Variants in PI4KA observed in about 807,000 individuals in gnomAD.
PI4KA encodes phosphatidylinositol 4-kinase alpha, also known as PI4-kinase alpha.
In PI4KA, 122 loss-of-function variants were observed where a neutral mutation model predicts 271.4. That is an observed-to-expected ratio of 0.45 (90% confidence interval 0.39 to 0.52). PI4KA has a LOEUF of 0.52. PI4KA is among the 20% of genes least tolerant of loss of function. The pLI is 0.00. For missense variants in PI4KA, 1,969 were observed against 2,769.1 expected (o/e 0.71, Z 6.48); for synonymous variants, 1,041 against 1,078.8 (o/e 0.96, Z 0.69).
At chr22:20,823,370 C>T (rs1922962252) in intron 4 of PI4KA, among the ~76,000 whole-genome samples, 1 of 152,090 alleles carries the variant, frequency 6.6e-6, no homozygotes, top group South Asian at 2.1e-4. Context: ...AGCCAACCTA[C>T]AAATAAATGA....
At chr22:20,802,552 T>C (rs1387204004) in intron 13 of PI4KA, among the ~76,000 whole-genome samples, 1 of 152,180 alleles carries the variant, frequency 6.6e-6, no homozygotes, top group Non-Finnish European at 1.5e-5. Flanking sequence ...TTGTTTGTTT[T>C]TGAGATAGGG....
At chr22:20,840,477 C>G (rs904808636) in intron 1 of PI4KA, among the ~76,000 whole-genome samples, 1 of 152,186 alleles carries the variant, frequency 6.6e-6, no homozygotes, top group Admixed American at 6.5e-5. Context: ...CTAGAAGAAT[C>G]CCTCTGGCTG....
chr22:20,795,461 G>A (rs568826830), intron 18 of PI4KA, among the ~76,000 whole-genome samples: 7 of 151,934 alleles, frequency 4.6e-5, no homozygotes, highest in Non-Finnish European at 1.0e-4. Context: ...AAAAATTCTC[G>A]TGCCCTTTAT....
intron 1 of PI4KA, among the ~76,000 whole-genome samples, chr22:20,853,306 G>A (rs1927214304): frequency 6.6e-6 from 1 of 152,054 alleles, no homozygotes. Context: ...GCCTATAGAG[G>A]AGAGACACAA....
chr22:20,828,553 ATTTTTTTGGGG>A (rs1467023328), intron 3 of PI4KA, among the ~76,000 whole-genome samples: 1 of 151,484 alleles, frequency 6.6e-6, no homozygotes, highest in Non-Finnish European at 1.5e-5. Flanking sequence ...TTTGTTGTGG[ATTTTTTTGGGG>A]TTTTTTTTTG....
At chr22:20,714,188 C>T (rs1649543852) in intron 47 of PI4KA, among the ~76,000 whole-genome samples, 1 of 151,864 alleles carries the variant, frequency 6.6e-6, no homozygotes, top group African/African-American at 2.4e-5. Context: ...TAACACCCCC[C>T]AACAGCCCCG....
At chr22:20,717,646 C>T (rs886718136) in intron 45 of PI4KA, 62 bp downstream of exon 45, 135 of 1,308,930 alleles carry the variant, frequency 1.0e-4, no homozygotes, top group Non-Finnish European at 1.4e-4. Context: ...CAGCAGCCTT[C>T]ACGCCCCGCC....
intron 19 of PI4KA, among the ~76,000 whole-genome samples, chr22:20,775,056 A>G (rs1324999547): frequency 1.3e-5 from 2 of 152,182 alleles, no homozygotes; most frequent in Non-Finnish European, 2.9e-5. Context: ...CTTCTCTCCC[A>G]TTCTGCCTGC....
intron 23 of PI4KA, among the ~76,000 whole-genome samples, chr22:20,754,489 A>C (rs1931057596): frequency 6.6e-6 from 1 of 152,254 alleles, no homozygotes; most frequent in Non-Finnish European, 1.5e-5. Flanking sequence ...TGAGAATTAC[A>C]GCCACCACAG....
chr22:20,824,275 C>T, intron 4 of PI4KA, 51 bp downstream of exon 4: 1 of 1,115,830 alleles, frequency 9.0e-7, no homozygotes, highest in East Asian at 2.3e-5. Context: ...CACTTTGGGA[C>T]TCTATTCAAT....
In PI4KA at chr22:20,713,211, T is replaced by C. The variant is rs1925542841; in HGVS notation, c.5571+70A>G. On this transcript the variant is annotated intron_variant, in intron 48 of 54. Coordinates refer to ENST00000255882, the MANE Select transcript of PI4KA (RefSeq NM_058004.4). Reference sequence around the variant, plus strand: ...CATTTCTGCATATGAGATTGGACTCTGGCGGGCCTGGAGCCTTGGGGAGCA... The same window carrying C: ...CATTTCTGCATATGAGATTGGACTCCGGCGGGCCTGGAGCCTTGGGGAGCA... 4 of 1,075,510 alleles carry C rather than the reference T, an allele frequency of 3.7e-6. No homozygotes were observed. In the South Asian group the frequency reaches 5.4e-5, roughly 14 times the overall value. The allele number at this position is 1,075,510 out of a possible 1,614,324, so 66.6% of individuals were successfully genotyped here.
At chr22:20,780,281 T>C (rs903259652) in intron 19 of PI4KA, 2 of 1,591,604 alleles carry the variant, frequency 1.3e-6, no homozygotes, top group African/African-American at 2.7e-5. Flanking sequence ...TGCCAAGAAC[T>C]GTACTGTAGC....
chr22:20,801,092 A>G (rs1935297968), intron 14 of PI4KA, among the ~76,000 whole-genome samples: 1 of 147,326 alleles, frequency 6.8e-6, no homozygotes, highest in Non-Finnish European at 1.5e-5. Flanking sequence ...GGGTTTCACC[A>G]TATTGGCCAG....
intron 42 of PI4KA, chr22:20,721,837 C>T: frequency 5.5e-6 from 1 of 180,230 alleles, no homozygotes; most frequent in African/African-American, 2.3e-5. Context: ...ACCTCCTTCA[C>T]AAACTGACAC....
chr22:20,852,569 TTTC>T (rs1452413137), intron 1 of PI4KA, among the ~76,000 whole-genome samples: 1 of 152,186 alleles, frequency 6.6e-6, no homozygotes, highest in Non-Finnish European at 1.5e-5. Flanking sequence ...CTTCTTCCAA[TTTC>T]TTCTTAAAAT....
intron 1 of PI4KA, among the ~76,000 whole-genome samples, chr22:20,841,951 C>T (rs977699798): frequency 1.3e-5 from 2 of 152,096 alleles, no homozygotes; most frequent in African/African-American, 4.8e-5. Context: ...TGCGGTGGCT[C>T]ATACCTGTAA....
intron 1 of PI4KA, among the ~76,000 whole-genome samples, chr22:20,858,296 C>T (rs1927877299): frequency 6.6e-6 from 1 of 152,154 alleles, no homozygotes; most frequent in Non-Finnish European, 1.5e-5. Flanking sequence ...GCTCCCTGGG[C>T]CAGCAGCTCA....
intron 1 of PI4KA, among the ~76,000 whole-genome samples, chr22:20,852,319 G>T (rs982073717): frequency 3.3e-5 from 5 of 152,106 alleles, no homozygotes; most frequent in Non-Finnish European, 7.4e-5. Flanking sequence ...GAACATTTCT[G>T]CCCCCTGGGG....
rs532050128 is a variant in PI4KA at position 20,858,678 on chromosome 22, G to GCCGCCTCCGCCTCCGCCT, written c.30_47dup (p.Gly13_Gly18dup). On this transcript the variant is annotated inframe_insertion, in exon 1 of 55. Coordinates refer to ENST00000255882, the MANE Select transcript of PI4KA (RefSeq NM_058004.4). ...TGGAGCCGGAGCCGGAGCAGCCGCC[G>GCCGCCTCCGCCTCCGCCT]CCGCCTCCGCCTCCGCCTCCGCCTC... The GCCGCCTCCGCCTCCGCCT allele has an allele frequency of 7.4e-5, 109 of 1,470,890 alleles. 1 individual carries two copies. The highest frequency in any genetic ancestry group is 6.5e-4 in the East Asian group (22 of 33,960). 91.1% of individuals were successfully genotyped at this position (1,470,890 alleles called of 1,614,324 possible).
Sources: gnomAD v4.1 joint callset for allele counts (sites outside exome capture counted in the v4.1 genomes callset) on GRCh38, gnomAD v4.1.1 for gene constraint, MANE v1.5 for transcripts, NCBI Gene and HGNC (gene_info 2026-07-23, HGNC 2026-07-21) for gene names.